The following LINGO2 variants were observed in gnomAD, a reference collection of about 807,000 sequenced individuals.
The protein encoded by LINGO2 is leucine-rich repeat and immunoglobulin-like domain-containing nogo receptor-interacting protein 2.
Under a neutral mutation model 30.6 loss-of-function variants are expected in LINGO2, and 14 were observed. That is an observed-to-expected ratio of 0.46 (90% CI 0.30 to 0.72). The LOEUF (loss-of-function observed/expected upper bound fraction) is 0.72, where lower values mean the gene tolerates loss of function less well. LINGO2 is among the 30% of genes least tolerant of loss of function. The probability of loss-of-function intolerance (pLI) is 0.07; values close to 1 mark genes in which losing one functional copy is unlikely to be tolerated. For missense variants in LINGO2, 729 were observed against 751.7 expected, an observed-to-expected ratio of 0.97 and a Z score of 0.35; for synonymous variants, 317 against 288.5, an observed-to-expected ratio of 1.10 and a Z score of -1.00.
intron 2 of LINGO2, among the ~76,000 whole-genome samples, chr9:28,475,467 GT>G (rs1419186764): frequency 6.6e-6 from 1 of 152,084 alleles, no homozygotes; most frequent in East Asian, 1.9e-4. Flanking sequence ...TAAAACAAGG[GT>G]AATTATGACT....
At chr9:28,989,468 C>T in the LINGO2 span, among the ~76,000 whole-genome samples, 1 of 152,144 alleles carries the variant, frequency 6.6e-6, no homozygotes. Context: ...AATTGTAACT[C>T]GATCACCAGG....
At chr9:29,030,094 G>A in the LINGO2 span, among the ~76,000 whole-genome samples, 1 of 152,030 alleles carries the variant, frequency 6.6e-6, no homozygotes, top group Non-Finnish European at 1.5e-5. Flanking sequence ...GTGTTCTATA[G>A]AATGATAGTA....
chr9:28,218,117 A>G (rs141443197), intron 4 of LINGO2, among the ~76,000 whole-genome samples: 186 of 148,752 alleles, frequency 1.3e-3, no homozygotes, highest in African/African-American at 4.4e-3. Context: ...TCATAATTAT[A>G]TTATATTATA....
intron 4 of LINGO2, among the ~76,000 whole-genome samples, chr9:28,264,707 CA>C (rs1822685108): frequency 6.6e-6 from 1 of 152,060 alleles, no homozygotes; most frequent in Admixed American, 6.6e-5. Context: ...TTAGTAAGAA[CA>C]GTGGTACAGC....
intron 3 of LINGO2, among the ~76,000 whole-genome samples, chr9:28,309,833 A>T (rs886819273): frequency 2.6e-5 from 4 of 151,170 alleles, no homozygotes; most frequent in Admixed American, 6.6e-5. Context: ...AAACCAATTT[A>T]AAAAAAAAGG....
At chr9:28,307,831 T>C (rs1173540505) in intron 3 of LINGO2, among the ~76,000 whole-genome samples, 1 of 152,134 alleles carries the variant, frequency 6.6e-6, no homozygotes, top group Admixed American at 6.5e-5. Context: ...CTATTCACAA[T>C]TGCTTCAAAG....
chr9:28,461,056 C>G (rs1825060996), intron 2 of LINGO2, among the ~76,000 whole-genome samples: 1 of 152,034 alleles, frequency 6.6e-6, no homozygotes, highest in African/African-American at 2.4e-5. Flanking sequence ...TGTCTTTCTT[C>G]TTTATCATCA....
chr9:29,115,081 C>A, the LINGO2 span, among the ~76,000 whole-genome samples: 53 of 151,950 alleles, frequency 3.5e-4, no homozygotes, highest in Admixed American at 2.4e-3. Context: ...AAAGCTAATA[C>A]CCAACCTGAG....
the LINGO2 span, among the ~76,000 whole-genome samples, chr9:28,883,587 T>G: frequency 7.1e-6 from 1 of 140,606 alleles, no homozygotes; most frequent in Non-Finnish European, 1.5e-5. Context: ...TGTATATTAA[T>G]CACTTTTAAT....
At chr9:29,167,037 A>G in the LINGO2 span, among the ~76,000 whole-genome samples, 5 of 152,116 alleles carry the variant, frequency 3.3e-5, no homozygotes, top group Admixed American at 6.5e-5. Context: ...TAATTGCTTG[A>G]TTCCTTGCAA....
At chr9:28,926,438 C>T in the LINGO2 span, among the ~76,000 whole-genome samples, 13 of 152,188 alleles carry the variant, frequency 8.5e-5, no homozygotes, top group Non-Finnish European at 1.5e-4. Flanking sequence ...ACAATGCCTA[C>T]ATTAAGAGGC....
intron 2 of LINGO2, among the ~76,000 whole-genome samples, chr9:28,396,657 T>TCG (rs1200697708): frequency 6.6e-5 from 8 of 121,308 alleles, no homozygotes; most frequent in Admixed American, 4.6e-4. Context: ...TGAGCCGAGA[T>TCG]CACGCCACTG....
At chr9:28,029,255 A>G (rs188681437) in intron 4 of LINGO2, among the ~76,000 whole-genome samples, 64 of 152,342 alleles carry the variant, frequency 4.2e-4, no homozygotes, top group Admixed American at 3.2e-3. Flanking sequence ...AGGCTAGTAT[A>G]AAATGCGAGG....
At chr9:28,856,431 G>A in the LINGO2 span, among the ~76,000 whole-genome samples, 2 of 151,954 alleles carry the variant, frequency 1.3e-5, no homozygotes, top group Non-Finnish European at 2.9e-5. Context: ...TACAAACTAT[G>A]GTGGTTCTAT....
chr9:28,579,971 C>T (rs181353885), intron 1 of LINGO2, among the ~76,000 whole-genome samples: 2 of 152,082 alleles, frequency 1.3e-5, no homozygotes, highest in East Asian at 1.9e-4. Context: ...GTTGGGCAGG[C>T]TGTCAACATT....
At chr9:28,200,297 A>T (rs1467928115) in intron 4 of LINGO2, among the ~76,000 whole-genome samples, 1 of 152,180 alleles carries the variant, frequency 6.6e-6, no homozygotes, top group Non-Finnish European at 1.5e-5. Flanking sequence ...ATTTAGACTT[A>T]ATGACTTTTC....
chr9:28,790,325 C>CTTTTTTTTTTTTTTTTTTTTT, the LINGO2 span, among the ~76,000 whole-genome samples: 15 of 106,268 alleles, frequency 1.4e-4, no homozygotes, highest in African/African-American at 4.7e-4. Flanking sequence ...TCTTTTCTTT[C>CTTTTTTTTTTTTTTTTTTTTT]TTTTTTTTTT....
intron 1 of LINGO2, among the ~76,000 whole-genome samples, chr9:28,571,641 T>C (rs1359953114): frequency 2.6e-5 from 4 of 152,136 alleles, no homozygotes; most frequent in African/African-American, 4.8e-5. Flanking sequence ...ACTTCTTTTG[T>C]ATGGCTTTTA....
intron 1 of LINGO2, among the ~76,000 whole-genome samples, chr9:28,557,289 C>A (rs1822767934): frequency 6.6e-6 from 1 of 151,784 alleles, no homozygotes; most frequent in Non-Finnish European, 1.5e-5. Context: ...TGAACTCCAA[C>A]AAATTTACAA....
Sources: gnomAD v4.1 joint callset for allele counts (sites outside exome capture counted in the v4.1 genomes callset) on GRCh38, gnomAD v4.1.1 for gene constraint, MANE v1.5 for transcripts, NCBI Gene and HGNC (gene_info 2026-07-23, HGNC 2026-07-21) for gene names.